The following PARVA variants were observed in gnomAD, a reference collection of about 807,000 sequenced individuals.
The protein encoded by PARVA is alpha-parvin.
In PARVA, 25 loss-of-function variants were observed where a neutral mutation model predicts 52.6. The ratio of observed to expected loss-of-function variants is 0.48; its 90% CI spans 0.35 to 0.66. The LOEUF (loss-of-function observed/expected upper bound fraction) is 0.66, where lower values mean the gene tolerates loss of function less well. Among genes scored for constraint, PARVA ranks in the 30% least tolerant of loss-of-function variants. The probability of loss-of-function intolerance (pLI) is 0.01; values close to 1 mark genes in which losing one functional copy is unlikely to be tolerated. For synonymous variants in PARVA, 185 were observed against 179.1 expected, an observed-to-expected ratio of 1.03 and a Z score of -0.26; for missense variants, 373 against 450.9, an observed-to-expected ratio of 0.83 and a Z score of 1.56.
At chr11:12,519,657 A>C in intron 12 of PARVA, among the ~76,000 whole-genome samples, 1 of 152,192 alleles carries the variant, frequency 6.6e-6, no homozygotes, top group East Asian at 1.9e-4. Flanking sequence ...AAGTGTGTGC[A>C]TGCCAGACAG....
intron 12 of PARVA, among the ~76,000 whole-genome samples, chr11:12,522,570 C>A (rs1047001750): frequency 6.6e-6 from 1 of 151,866 alleles, no homozygotes; most frequent in Non-Finnish European, 1.5e-5. Context: ...AGGCTGCCAC[C>A]ACCACACCCA....
At chr11:12,517,300 C>A (rs1190887995) in intron 10 of PARVA, among the ~76,000 whole-genome samples, 5 of 133,866 alleles carry the variant, frequency 3.7e-5, no homozygotes, top group Non-Finnish European at 6.4e-5. Flanking sequence ...AGGAGCCACA[C>A]TGACCACCCC....
At chr11:12,437,380 C>T (rs1940400419) in intron 1 of PARVA, among the ~76,000 whole-genome samples, 1 of 152,236 alleles carries the variant, frequency 6.6e-6, no homozygotes, top group African/African-American at 2.4e-5. Flanking sequence ...CCTCCCCAGC[C>T]TCCTAAGCCT....
At chr11:12,472,360 G>A (rs1940945566) in intron 1 of PARVA, among the ~76,000 whole-genome samples, 1 of 152,208 alleles carries the variant, frequency 6.6e-6, no homozygotes, top group African/African-American at 2.4e-5. Context: ...AGCTTTGAAG[G>A]TACCCCTTCT....
At chr11:12,437,542 A>G (rs978228705) in intron 1 of PARVA, among the ~76,000 whole-genome samples, 10 of 152,232 alleles carry the variant, frequency 6.6e-5, no homozygotes, top group Admixed American at 4.6e-4. Context: ...CTTCATCTCT[A>G]TATCCACTTT....
chr11:12,517,762 CAT>C (rs1185828090), intron 11 of PARVA, 51 bp downstream of exon 11: 20 of 1,251,756 alleles, frequency 1.6e-5, no homozygotes, highest in Non-Finnish European at 6.9e-6. Context: ...TCCCCTGACT[CAT>C]GTGCCCACAC....
intron 6 of PARVA, among the ~76,000 whole-genome samples, chr11:12,508,099 T>TAAAAAAAAAA (rs35314523): frequency 5.4e-5 from 5 of 91,796 alleles, no homozygotes; most frequent in South Asian, 4.5e-4. Context: ...ATTTATCAGT[T>TAAAAAAAAAA]AAAAAAAAAA....
chr11:12,377,755 C>T lies in PARVA; in HGVS notation c.108C>T (p.Thr36=). The change falls in exon 1 of 13, where the codon ACC becomes ACT. Residue 36 remains threonine (T), a synonymous_variant. Transcript: ENST00000334956. The part of the protein sequence containing the change: ...DDSFLGKLGG[T]LARRKKAKEV... The stretch of plus-strand genomic sequence containing the variant: ...CCTTCTTGGGGAAACTCGGAGGGAC[C>T]CTGGCCCGGAGGAAGAAAGCCAAGG... The T allele has an allele frequency of 6.5e-7, 1 of 1,534,808 alleles. No individual in the cohort carries two copies. Among genetic ancestry groups the T allele is most frequent in the Non-Finnish European group, 8.7e-7 (1 of 1,145,964 alleles).
chr11:12,477,809 T>C lies in PARVA; in HGVS notation c.298-38T>C, dbSNP rs908588072. 3.7e-6 allele frequency: 4 copies of C among 1,076,886 alleles called. No individual in the cohort carries two copies. The East Asian group carries it at 9.5e-5, about 25-fold the overall frequency. 66.7% of individuals were successfully genotyped at this position (1,076,886 alleles called of 1,614,324 possible). A position where few individuals can be genotyped will look rare whatever the true frequency, so the allele number is the denominator to read the frequency against. On this transcript the variant is annotated intron_variant, in intron 3 of 12. Coordinates refer to ENST00000334956, the MANE Select transcript of PARVA (RefSeq NM_018222.5). Reference sequence around the variant, plus strand: ...TGTAAGAAAATACCCCATAACTCTTTTCTTACTATTGCACATTCCCTTTCT... The same window carrying C: ...TGTAAGAAAATACCCCATAACTCTTCTCTTACTATTGCACATTCCCTTTCT...
In PARVA at chr11:12,508,659, G is replaced by C. The variant is rs1350089615; in HGVS notation, c.716+17G>C. 1 of 1,573,238 alleles carries C rather than the reference G, an allele frequency of 6.4e-7. No homozygotes were observed. Among genetic ancestry groups the C allele is most frequent in the Non-Finnish European group, 8.7e-7 (1 of 1,146,426 alleles). ...TAACACAGAGTATGTCAACACCATT[G>C]TTGCCAGCGATTCTGTAATGGAACA... On this transcript the variant is annotated intron_variant, in intron 7 of 12. Coordinates refer to ENST00000334956, the MANE Select transcript of PARVA (RefSeq NM_018222.5).
chr11:12,503,544 C>T (rs1052930568), intron 5 of PARVA, among the ~76,000 whole-genome samples: 1 of 151,958 alleles, frequency 6.6e-6, no homozygotes, highest in Non-Finnish European at 1.5e-5. Flanking sequence ...AATAATATGA[C>T]CCAAGAAGGA....
At chr11:12,496,965 A>G (rs1031530621) in intron 5 of PARVA, among the ~76,000 whole-genome samples, 1 of 152,152 alleles carries the variant, frequency 6.6e-6, no homozygotes, top group Non-Finnish European at 1.5e-5. Context: ...AGGTCCCCAC[A>G]TTCACACAGC....
chr11:12,492,669 C>T (rs1337987292), intron 4 of PARVA, among the ~76,000 whole-genome samples: 1 of 152,038 alleles, frequency 6.6e-6, no homozygotes, highest in East Asian at 1.9e-4. Flanking sequence ...TCACATAAGC[C>T]TGCAAAATAG....
chr11:12,515,254 T>C (rs560474388), intron 10 of PARVA, among the ~76,000 whole-genome samples: 55 of 152,336 alleles, frequency 3.6e-4, no homozygotes, highest in African/African-American at 1.3e-3. Flanking sequence ...CCTCCTTTCA[T>C]TCTTGGTGAG....
At chr11:12,399,086 A>G (rs1399463186) in intron 1 of PARVA, among the ~76,000 whole-genome samples, 2 of 152,346 alleles carry the variant, frequency 1.3e-5, no homozygotes, top group African/African-American at 2.4e-5. Context: ...GCCAGGATTC[A>G]AACCAAGATT....
At chr11:12,398,691 A>T (rs1229006127) in intron 1 of PARVA, among the ~76,000 whole-genome samples, 1 of 151,748 alleles carries the variant, frequency 6.6e-6, no homozygotes, top group East Asian at 2.0e-4. Flanking sequence ...TGGGCATAAG[A>T]ACTCAATACC....
chr11:12,494,170 T>C (rs990276041), intron 4 of PARVA, among the ~76,000 whole-genome samples: 5 of 152,362 alleles, frequency 3.3e-5, no homozygotes, highest in African/African-American at 1.2e-4. Flanking sequence ...TGCTTTCTCA[T>C]GTGCATGACC....
intron 1 of PARVA, among the ~76,000 whole-genome samples, chr11:12,421,490 T>C (rs777795130): frequency 6.6e-6 from 1 of 152,186 alleles, no homozygotes; most frequent in Non-Finnish European, 1.5e-5. Flanking sequence ...TAAAATCTTA[T>C]ACCTTTGAAG....
chr11:12,490,855 T>A (rs758413885), intron 4 of PARVA, among the ~76,000 whole-genome samples: 3 of 152,214 alleles, frequency 2.0e-5, no homozygotes, highest in Non-Finnish European at 2.9e-5. Flanking sequence ...GTTTAGTATA[T>A]GGGTAAAGAT....
Sources: gnomAD v4.1 joint callset for allele counts (sites outside exome capture counted in the v4.1 genomes callset) on GRCh38, gnomAD v4.1.1 for gene constraint, MANE v1.5 for transcripts, NCBI Gene and HGNC (gene_info 2026-07-23, HGNC 2026-07-21) for gene names.